Variants in TSHZ2 observed in about 807,000 individuals in gnomAD.
TSHZ2 encodes the protein teashirt zinc finger homeobox 2, also known as teashirt homolog 2.
Under a neutral mutation model 74.4 loss-of-function variants are expected in TSHZ2, and 21 were observed. That is an observed-to-expected ratio of 0.28 (90% confidence interval 0.20 to 0.41). The LOEUF is 0.41. Ranked by LOEUF, TSHZ2 falls within the 10% of genes least tolerant of loss-of-function variation. TSHZ2 has a pLI of 1.00. For synonymous variants in TSHZ2, 540 were observed against 515.3 expected (o/e 1.05, Z -0.65); for missense variants, 1,244 against 1,293.5 (o/e 0.96, Z 0.59).
At chr20:53,128,942 G>T (rs542231162) in intron 1 of TSHZ2, among the ~76,000 whole-genome samples, 5 of 151,986 alleles carry the variant, frequency 3.3e-5, no homozygotes, top group East Asian at 1.9e-4. Context: ...TTCCATATGC[G>T]CCAGGAGAAA....
intron 1 of TSHZ2, among the ~76,000 whole-genome samples, chr20:53,126,985 C>T (rs1485712326): frequency 6.6e-6 from 1 of 150,722 alleles, no homozygotes; most frequent in African/African-American, 2.5e-5. Flanking sequence ...GAGAGACTGG[C>T]TTAATAATTA....
intron 2 of TSHZ2, among the ~76,000 whole-genome samples, chr20:53,340,184 C>CTTTTTTTTTTTTTTTTTTTTTT (rs557613827): frequency 1.0e-4 from 11 of 109,866 alleles, no homozygotes; most frequent in South Asian, 3.3e-4. Context: ...TTTCTTTTTT[C>CTTTTTTTTTTTTTTTTTTTTTT]TTTTTTTTTT....
intron 1 of TSHZ2, among the ~76,000 whole-genome samples, chr20:53,103,617 A>G (rs1443053986): frequency 6.6e-6 from 1 of 152,234 alleles, no homozygotes; most frequent in Non-Finnish European, 1.5e-5. Context: ...GAGAAAAATC[A>G]TCTCACTTCT....
Position 53,143,670 on chromosome 20 carries a change from C to T in TSHZ2, c.41-109829C>T, listed in dbSNP as rs1051220427. On this transcript the variant is annotated intron_variant, in intron 1 of 2. Transcript: ENST00000371497. The stretch of plus-strand genomic sequence containing the variant: ...TCGTGCCACTGCACTCCAGCCTGGG[C>T]AACAGAGCAAGACTCCGTCTCAAAA... Among the ~76,000 whole-genome samples the T allele has an allele frequency of 2.7e-4, 41 of 151,972 alleles. 1 individual carries two copies. The highest frequency in any genetic ancestry group is 1.5e-5 in the Non-Finnish European group (1 of 68,004).
In TSHZ2 at chr20:53,142,823, G is replaced by GA. The variant is rs34283169; in HGVS notation, c.41-110662dup. Among the ~76,000 whole-genome samples, 1,046 of 141,568 alleles carry GA rather than the reference G, an allele frequency of 7.4e-3. 12 individuals carry two copies. Among genetic ancestry groups the GA allele is most frequent in the East Asian group, 0.031 (149 of 4,830 alleles). 92.9% of individuals were successfully genotyped at this position (141,568 alleles called of 152,430 possible). On this transcript the variant is annotated intron_variant, in intron 1 of 2. Coordinates refer to ENST00000371497, the MANE Select transcript of TSHZ2 (RefSeq NM_173485.6). Reference sequence around the variant, plus strand: ...CACAAGCCGGTAACAGTATTAAGATGAAAAAAAAAAAAAATGCTCTGCTTA... The same window carrying GA: ...CACAAGCCGGTAACAGTATTAAGATGAAAAAAAAAAAAAAATGCTCTGCTTA...
At chr20:53,219,254 C>T (rs1011639300) in intron 1 of TSHZ2, among the ~76,000 whole-genome samples, 1 of 152,170 alleles carries the variant, frequency 6.6e-6, no homozygotes, top group East Asian at 1.9e-4. Flanking sequence ...TATGGCCCAC[C>T]CCTGGCTTTT....
intron 2 of TSHZ2, among the ~76,000 whole-genome samples, chr20:53,442,050 A>G (rs932920733): frequency 6.6e-6 from 1 of 152,214 alleles, no homozygotes; most frequent in African/African-American, 2.4e-5. Flanking sequence ...TTGGGCAGAA[A>G]GAATGCCTGC....
chr20:53,440,379 G>A (rs1984264577), intron 2 of TSHZ2, among the ~76,000 whole-genome samples: 1 of 152,198 alleles, frequency 6.6e-6, no homozygotes, highest in South Asian at 2.1e-4. Context: ...TGCAATTGCA[G>A]GGGGTTCCTG....
chr20:53,017,843 G>A (rs1183962414), intron 1 of TSHZ2, among the ~76,000 whole-genome samples: 4 of 152,084 alleles, frequency 2.6e-5, no homozygotes, highest in African/African-American at 9.7e-5. Context: ...CAATCACATT[G>A]TATAGTAGTT....
At chr20:53,345,573 A>G (rs1980405553) in intron 2 of TSHZ2, among the ~76,000 whole-genome samples, 1 of 152,182 alleles carries the variant, frequency 6.6e-6, no homozygotes, top group Non-Finnish European at 1.5e-5. Flanking sequence ...TCACTCTAGG[A>G]AAAACCCTCC....
chr20:53,333,511 A>T (rs1359421442), intron 2 of TSHZ2, among the ~76,000 whole-genome samples: 1 of 151,118 alleles, frequency 6.6e-6, no homozygotes, highest in East Asian at 1.9e-4. Flanking sequence ...GCTGGAGTGC[A>T]GTGGCACGAT....
At chr20:53,268,595 G>C (rs1270663590) in intron 2 of TSHZ2, among the ~76,000 whole-genome samples, 1 of 152,164 alleles carries the variant, frequency 6.6e-6, no homozygotes, top group South Asian at 2.1e-4. Flanking sequence ...CTTGGGGTAG[G>C]CCTCAAAGGC....
intron 2 of TSHZ2, among the ~76,000 whole-genome samples, chr20:53,310,811 A>T (rs1978749232): frequency 6.6e-6 from 1 of 152,202 alleles, no homozygotes; most frequent in Non-Finnish European, 1.5e-5. Flanking sequence ...CATCCAGTGC[A>T]TTATAATTAT....
rs374364980 is a variant in TSHZ2, at chr20:53,038,896, G to GTTTTTTTTTTT, written c.40+65566_40+65567insTTTTTTTTTTT. Among the ~76,000 whole-genome samples, 37 of 140,488 alleles carry GTTTTTTTTTTT rather than the reference G, an allele frequency of 2.6e-4. 1 individual carries two copies. Among genetic ancestry groups the GTTTTTTTTTTT allele is most frequent in the African/African-American group, 1.1e-3 (35 of 33,278 alleles). 92.2% of individuals were successfully genotyped at this position (140,488 alleles called of 152,430 possible). On this transcript the variant is annotated intron_variant, in intron 1 of 2. Coordinates refer to ENST00000371497, the MANE Select transcript of TSHZ2 (RefSeq NM_173485.6). ...TTTGTTTGTTTTGTTTTGTTTGTTT[G>GTTTTTTTTTTT]TTTGTTTGTTTGTTTTTGAGATGGA...
chr20:53,004,532 A>G (rs1982566839), intron 1 of TSHZ2, among the ~76,000 whole-genome samples: 1 of 152,186 alleles, frequency 6.6e-6, no homozygotes. Context: ...GAACAAAAAC[A>G]GAGAAAAGGC....
At chr20:53,316,570 G>A (rs1189526057) in intron 2 of TSHZ2, among the ~76,000 whole-genome samples, 5 of 140,666 alleles carry the variant, frequency 3.6e-5, no homozygotes, top group Non-Finnish European at 7.8e-5. Flanking sequence ...TTTCAAAATA[G>A]TATTTTATGT....
At chr20:53,101,129 A>G (rs1276042523) in intron 1 of TSHZ2, among the ~76,000 whole-genome samples, 1 of 152,170 alleles carries the variant, frequency 6.6e-6, no homozygotes, top group Admixed American at 6.6e-5. Context: ...TTCTAAGGAC[A>G]TCTGTGGTCT....
intron 2 of TSHZ2, among the ~76,000 whole-genome samples, chr20:53,357,952 T>C (rs141218647): frequency 6.6e-6 from 1 of 152,332 alleles, no homozygotes; most frequent in African/African-American, 2.4e-5. Context: ...AGAAGATATT[T>C]CTATGAAAAC....
chr20:53,444,612 C>T lies in TSHZ2; in HGVS notation c.*9-42532C>T, dbSNP rs143501689. The stretch of plus-strand genomic sequence containing the variant: ...ACAGGCTTGTGTTTTCCTGTTCATC[C>T]GTAAGTAAACACTGAAAGCCTCCTC... On this transcript the variant is annotated intron_variant, in intron 2 of 2. Coordinates refer to ENST00000371497, the MANE Select transcript of TSHZ2 (RefSeq NM_173485.6). Among the ~76,000 whole-genome samples, 466 of 152,278 alleles carry T rather than the reference C, an allele frequency of 3.1e-3. 4 individuals are homozygous for T. Among genetic ancestry groups the T allele is most frequent in the African/African-American group, 0.011 (440 of 41,568 alleles).
Sources: gnomAD v4.1 joint callset for allele counts (sites outside exome capture counted in the v4.1 genomes callset) on GRCh38, gnomAD v4.1.1 for gene constraint, MANE v1.5 for transcripts, NCBI Gene and HGNC (gene_info 2026-07-23, HGNC 2026-07-21) for gene names.